UBE2H: variants seen among roughly 807,000 people sequenced by gnomAD.
UBE2H encodes ubiquitin conjugating enzyme E2 H.
UBE2H carries 3 observed loss-of-function variants against 29.0 expected under a neutral mutation model. The observed-to-expected ratio is 0.10, with a 90% CI of 0.05 to 0.27. The LOEUF (loss-of-function observed/expected upper bound fraction) is 0.27. Ranked by LOEUF, UBE2H falls within the 10% of genes least tolerant of loss-of-function variation. The probability of loss-of-function intolerance (pLI) is 1.00; values close to 1 mark genes in which losing one functional copy is unlikely to be tolerated. For missense variants in UBE2H, 68 were observed against 228.2 expected (o/e 0.30, Z 4.52); for synonymous variants, 69 against 82.9 (o/e 0.83, Z 0.91).
At chr7:129,849,859 ATGT>A (rs1322365550) in intron 5 of UBE2H, among the ~76,000 whole-genome samples, 1 of 152,234 alleles carries the variant, frequency 6.6e-6, no homozygotes, top group Non-Finnish European at 1.5e-5. Context: ...AGAGGGTCTC[ATGT>A]GTGGAGAAAA....
chr7:129,940,032 C>CA (rs2116514861), intron 1 of UBE2H, among the ~76,000 whole-genome samples: 1 of 152,054 alleles, frequency 6.6e-6, no homozygotes, highest in South Asian at 2.1e-4. Context: ...ACCCTTTGGA[C>CA]AAAACAACTA....
chr7:129,851,695 G>A (rs992637472), intron 5 of UBE2H, among the ~76,000 whole-genome samples: 1 of 152,168 alleles, frequency 6.6e-6, no homozygotes, highest in South Asian at 2.1e-4. Flanking sequence ...CATGTCCCAC[G>A]ATCCAAAAAG....
rs1055269407 is a variant in UBE2H at position 129,932,701 on chromosome 7, A to T, written c.53+19802T>A. On this transcript the variant is annotated intron_variant, in intron 1 of 6. Transcript: ENST00000355621. The stretch of plus-strand genomic sequence containing the variant: ...AGGCAGAAGAATTGCCTGAACCCGG[A>T]AGGCGGAGGTTGCAGTGAGCTAAGA... Among the ~76,000 whole-genome samples, 7 of 149,246 alleles carry T rather than the reference A, an allele frequency of 4.7e-5. No individual in the cohort carries two copies. The East Asian group carries it at 1.0e-3, about 22-fold the overall frequency.
At chr7:129,843,092 G>A (rs1396456724) in intron 5 of UBE2H, among the ~76,000 whole-genome samples, 1 of 147,258 alleles carries the variant, frequency 6.8e-6, no homozygotes, top group Non-Finnish European at 1.5e-5. Flanking sequence ...TCCGCCTCCT[G>A]GGTTCACGCC....
chr7:129,889,860 C>T (rs1246084996), intron 1 of UBE2H, among the ~76,000 whole-genome samples: 1 of 152,082 alleles, frequency 6.6e-6, no homozygotes, highest in African/African-American at 2.4e-5. Flanking sequence ...TATGGTGGTA[C>T]GTGCTTATAC....
chr7:129,938,046 C>G (rs1290282881), intron 1 of UBE2H, among the ~76,000 whole-genome samples: 1 of 152,082 alleles, frequency 6.6e-6, no homozygotes, highest in Non-Finnish European at 1.5e-5. Flanking sequence ...GGCTAAAACT[C>G]CTGTCAAAAC....
chr7:129,926,698 C>A (rs1807277159), intron 1 of UBE2H, among the ~76,000 whole-genome samples: 1 of 152,064 alleles, frequency 6.6e-6, no homozygotes, highest in South Asian at 2.1e-4. Context: ...ACCCTGCCAA[C>A]CATGATTGGA....
intron 1 of UBE2H, among the ~76,000 whole-genome samples, chr7:129,898,948 C>T (rs112452148): frequency 1.1e-3 from 167 of 152,262 alleles, no homozygotes; most frequent in African/African-American, 3.8e-3. Flanking sequence ...TATACACACA[C>T]ATCCACGTCA....
intron 3 of UBE2H, among the ~76,000 whole-genome samples, chr7:129,859,424 A>C (rs1485486833): frequency 6.6e-6 from 1 of 152,228 alleles, no homozygotes; most frequent in African/African-American, 2.4e-5. Context: ...GAAATGCTAA[A>C]GGAATACCAC....
intron 1 of UBE2H, among the ~76,000 whole-genome samples, chr7:129,892,656 T>C (rs901920346): frequency 2.0e-5 from 3 of 152,190 alleles, no homozygotes; most frequent in Non-Finnish European, 4.4e-5. Context: ...AATATACTTA[T>C]TTTTTGCTGT....
chr7:129,843,442 T>C (rs1169744059), intron 5 of UBE2H, among the ~76,000 whole-genome samples: 1 of 152,140 alleles, frequency 6.6e-6, no homozygotes, highest in Non-Finnish European at 1.5e-5. Context: ...ATGGAGAAAT[T>C]GAGGCACACA....
chr7:129,928,125 G>A (rs1411911936), intron 1 of UBE2H, among the ~76,000 whole-genome samples: 1 of 151,786 alleles, frequency 6.6e-6, no homozygotes, highest in Non-Finnish European at 1.5e-5. Context: ...GAGGTCTGGG[G>A]TTCAAGACCA....
At chr7:129,909,340 C>G (rs1806883695) in intron 1 of UBE2H, among the ~76,000 whole-genome samples, 1 of 152,140 alleles carries the variant, frequency 6.6e-6, no homozygotes, top group African/African-American at 2.4e-5. Flanking sequence ...AGGTATTCAT[C>G]AGACATGCAC....
chr7:129,942,420 G>A (rs1807666529), intron 1 of UBE2H, among the ~76,000 whole-genome samples: 1 of 152,114 alleles, frequency 6.6e-6, no homozygotes, highest in South Asian at 2.1e-4. Flanking sequence ...CTGGGAGGCA[G>A]AGGTCGCAGT....
chr7:129,952,003 G>A (rs535089483), intron 1 of UBE2H, among the ~76,000 whole-genome samples: 1 of 152,276 alleles, frequency 6.6e-6, no homozygotes, highest in East Asian at 1.9e-4. Flanking sequence ...AATATAGAAA[G>A]GAATTAGGGA....
intron 5 of UBE2H, among the ~76,000 whole-genome samples, chr7:129,853,381 T>C (rs534024140): frequency 6.6e-6 from 1 of 152,338 alleles, no homozygotes; most frequent in Non-Finnish European, 1.5e-5. Flanking sequence ...TCAGAGCTTC[T>C]GTCACTGCTG....
chr7:129,951,426 C>A (rs1225579020), intron 1 of UBE2H: 1 of 152,004 alleles, frequency 6.6e-6, no homozygotes, highest in African/African-American at 2.4e-5. Flanking sequence ...CCCACTTGCC[C>A]CCCTCCCCAA....
Position 129,879,655 on chromosome 7 carries a change from T to TA in UBE2H, c.131-14dup. 12 of 1,606,874 alleles carry TA rather than the reference T, an allele frequency of 7.5e-6. No homozygotes were observed. The highest frequency in any genetic ancestry group is 1.0e-5 in the Non-Finnish European group (12 of 1,175,952). ...CCTTCATATGGTGCTGAAATAAAAG[T>TA]AAAAATGTTCATCAGAACTACATCT... On this transcript the variant is annotated splice_polypyrimidine_tract_variant and intron_variant, in intron 2 of 6. Coordinates refer to ENST00000355621, the MANE Select transcript of UBE2H (RefSeq NM_003344.4).
Position 129,952,662 on chromosome 7 carries a change from AC to A in UBE2H, c.-108del. 1 of 1,350,040 alleles carries A rather than the reference AC, an allele frequency of 7.4e-7. No individual in the cohort carries two copies. Among genetic ancestry groups the A allele is most frequent in the Non-Finnish European group, 9.8e-7 (1 of 1,015,422 alleles). The allele number at this position is 1,350,040 out of a possible 1,614,324, so 83.6% of individuals were successfully genotyped here. ...CCGGCTCCTCGGTGGAGGTGGCAAC[AC>A]CCCCGCGGTCCCGGCGGTCCCGTCA... On this transcript the variant is annotated 5_prime_UTR_variant, in exon 1 of 7. Transcript: ENST00000355621.
Sources: allele counts gnomAD v4.1 joint callset (sites outside exome capture counted in the v4.1 genomes callset), GRCh38; gene constraint gnomAD v4.1.1; transcripts MANE v1.5; gene names NCBI Gene and HGNC (gene_info 2026-07-23, HGNC 2026-07-21).